The following PCDHA3 variants were observed in gnomAD, a reference collection of about 807,000 sequenced individuals.
The protein encoded by PCDHA3 is protocadherin alpha-3.
PCDHA3 carries 41 observed loss-of-function variants against 62.2 expected under a neutral mutation model. The ratio of observed to expected loss-of-function variants is 0.66; its 90% CI spans 0.51 to 0.86. The LOEUF (loss-of-function observed/expected upper bound fraction) is 0.86, where lower values mean the gene tolerates loss of function less well. Among genes scored for constraint, PCDHA3 ranks in the 40% least tolerant of loss-of-function variants. PCDHA3 has a pLI of 0.00. For synonymous variants in PCDHA3, 640 were observed against 555.4 expected (o/e 1.15, Z -2.14); for missense variants, 1,304 against 1,241.2 (o/e 1.05, Z -0.76).
chr5:140,960,913 T>C (rs184385777), intron 1 of PCDHA3, among the ~76,000 whole-genome samples: 10 of 152,320 alleles, frequency 6.6e-5, no homozygotes, highest in Admixed American at 2.6e-4. Flanking sequence ...GAGTTTCAGA[T>C]AGAAAATTGG....
intron 1 of PCDHA3, among the ~76,000 whole-genome samples, chr5:140,953,061 G>A (rs919542084): frequency 2.0e-5 from 3 of 152,064 alleles, no homozygotes; most frequent in African/African-American, 7.2e-5. Flanking sequence ...CCTCTCACAG[G>A]CCCCATCTCC....
chr5:140,875,271 C>T, intron 1 of PCDHA3: 1 of 1,256,488 alleles, frequency 8.0e-7, no homozygotes, highest in Non-Finnish European at 1.1e-6. Flanking sequence ...GCTCTACACT[C>T]AGAAGGTGAA....
At position 140,802,940 on chromosome 5, in the gene PCDHA3, G is replaced by T. The variant is rs782378272; in HGVS notation, c.1743G>T (p.Val581=). Reference sequence around the variant, plus strand: ...TCGGTGGCGCAGTGAGCGAGCTGGTGCCGCGGTCAGTGGGTGCGGGCCACG... The same window carrying T: ...TCGGTGGCGCAGTGAGCGAGCTGGTTCCGCGGTCAGTGGGTGCGGGCCACG... ...GGIGGAVSEL[V]PRSVGAGHVV... The change falls in exon 1 of 4, where the codon GTG becomes GTT. Residue 581 remains valine, a synonymous_variant. Coordinates refer to ENST00000522353, the MANE Select transcript of PCDHA3 (RefSeq NM_018906.3). 3.1e-6 allele frequency: 5 copies of T among 1,613,754 alleles called. No individual in the cohort carries two copies. The African/African-American group carries it at 6.7e-5, about 22-fold the overall frequency.
rs574473083 is a variant in PCDHA3, at chr5:140,908,105, C to T, written c.2395-70844C>T. ...CAGGTGCACTGATTGAAGTTCTGTC[C>T]ACTGGGAAGATTTCCCTTCACTGCT... is the stretch of plus-strand genomic sequence containing the variant. On this transcript the variant is annotated intron_variant, in intron 1 of 3. Coordinates refer to ENST00000522353, the MANE Select transcript of PCDHA3 (RefSeq NM_018906.3). Among the ~76,000 whole-genome samples the T allele has an allele frequency of 5.3e-5, 8 of 152,304 alleles. No individual in the cohort carries two copies. In the East Asian group the frequency reaches 1.4e-3, roughly 26 times the overall value.
rs369919324 is a variant in PCDHA3 at position 140,857,387 on chromosome 5, G to T, written c.2394+53796G>T. 3.0e-5 allele frequency: 48 copies of T among 1,598,472 alleles called. 4 individuals carry two copies. The highest frequency in any genetic ancestry group is 3.3e-5 in the Non-Finnish European group (38 of 1,167,956). ...CAGCGTGTCTGTGGAGGTGGCCGAC[G>T]TGAACGACAACGCGCCTGCGTTCGC... is the stretch of plus-strand genomic sequence containing the variant. On this transcript the variant is annotated intron_variant, in intron 1 of 3. Transcript: ENST00000522353.
At chr5:140,808,339 G>A (rs781810593) in intron 1 of PCDHA3, 15 of 1,614,246 alleles carry the variant, frequency 9.3e-6, no homozygotes, top group Non-Finnish European at 1.2e-5. Flanking sequence ...TCAATGGGCT[G>A]GTCACCTGCT....
Position 140,802,753 on chromosome 5 carries a change from C to T in PCDHA3, c.1556C>T (p.Ala519Val), listed in dbSNP as rs782212948. 6.2e-7 allele frequency: 1 copy of T among 1,612,542 alleles called. No individual in the cohort carries two copies. Residue 519 changes from alanine (A) to valine (V), a missense_variant, in exon 1 of 4, where the codon GCG (alanine) becomes GTG (valine). Physicochemically the swap from Ala to Val is moderately conservative, Grantham distance 64. Transcript: ENST00000522353. The part of the protein sequence containing the change: ...SVHAESGKVY[A>V]LQPLDHEELE... Reference sequence around the variant, plus strand: ...CACGCGGAGAGCGGCAAGGTGTACGCGCTGCAGCCGCTGGACCACGAGGAG... The same window carrying T: ...CACGCGGAGAGCGGCAAGGTGTACGTGCTGCAGCCGCTGGACCACGAGGAG...
At chr5:140,876,819 C>T in intron 1 of PCDHA3, 1 of 1,614,180 alleles carries the variant, frequency 6.2e-7, no homozygotes, top group Admixed American at 1.7e-5. Flanking sequence ...CCGACGTGAA[C>T]GACAATGCGC....
rs1299546647 is a variant in PCDHA3 at position 140,935,314 on chromosome 5, A to T, written c.2395-43635A>T. 2.0e-5 allele frequency among the ~76,000 whole-genome samples: 3 copies of T among 152,208 alleles called. No homozygotes were observed. In the East Asian group the frequency reaches 5.8e-4, roughly 29 times the overall value. ...TCCGAGGTTTTTACTTAACTTCATC[A>T]ATCTTACATTCCTATTTCTCCCATA... On this transcript the variant is annotated intron_variant, in intron 1 of 3. Transcript: ENST00000522353.
At chr5:140,850,157 C>T (rs2150470014) in intron 1 of PCDHA3, 2 of 1,594,994 alleles carry the variant, frequency 1.3e-6, no homozygotes, top group African/African-American at 1.3e-5. Flanking sequence ...TGCAGGTGTT[C>T]GTGCTGGACG....
In PCDHA3 at chr5:140,835,672, G is replaced by A. The variant is rs2150241563; in HGVS notation, c.2394+32081G>A. On this transcript the variant is annotated intron_variant, in intron 1 of 3. Coordinates refer to ENST00000522353, the MANE Select transcript of PCDHA3 (RefSeq NM_018906.3). The stretch of plus-strand genomic sequence containing the variant: ...GAGCTGGTGGTTACCGCGCGGGACG[G>A]GGGCTCGCCTTCTCTGTGGGCCACT... 1.9e-6 allele frequency: 3 copies of A among 1,613,926 alleles called. No individual in the cohort carries two copies. The South Asian group carries it at 3.3e-5, about 18-fold the overall frequency.
At chr5:140,843,133 C>G in intron 1 of PCDHA3, 1 of 1,595,974 alleles carries the variant, frequency 6.3e-7, no homozygotes, top group Non-Finnish European at 8.6e-7. Flanking sequence ...CGGGCTACAA[C>G]GCGTGGCTTT....
intron 3 of PCDHA3, among the ~76,000 whole-genome samples, chr5:140,991,361 G>C (rs1183124741): frequency 6.6e-6 from 1 of 152,200 alleles, no homozygotes; most frequent in Non-Finnish European, 1.5e-5. Context: ...ACTATTTACT[G>C]TCTGAGTTCT....
chr5:140,993,508 ACG>A (rs2097567607), intron 3 of PCDHA3, among the ~76,000 whole-genome samples: 1 of 147,006 alleles, frequency 6.8e-6, no homozygotes, highest in Non-Finnish European at 1.5e-5. Context: ...ACACACACAC[ACG>A]GGGAGAGAGA....
intron 1 of PCDHA3, chr5:140,853,694 G>A (rs1425849966): frequency 1.0e-6 from 1 of 988,064 alleles, no homozygotes; most frequent in African/African-American, 1.8e-5. Context: ...CCTTAGACCT[G>A]CTAACGCATT....
At position 140,807,206 on chromosome 5, in the gene PCDHA3, A is replaced by G. The variant is rs782751422; in HGVS notation, c.2394+3615A>G. On this transcript the variant is annotated intron_variant, in intron 1 of 3. Transcript: ENST00000522353. ...ACTAAAGATGGAGTTTTCCTGGGGAAGCGGCCAGGAATCCCGGCGTCTGCT... is the reference window on the plus strand; with the variant it reads ...ACTAAAGATGGAGTTTTCCTGGGGAGGCGGCCAGGAATCCCGGCGTCTGCT... 4.0e-5 allele frequency: 64 copies of G among 1,613,810 alleles called. 1 individual carries two copies. The South Asian group carries it at 6.6e-4, about 17-fold the overall frequency.
intron 1 of PCDHA3, among the ~76,000 whole-genome samples, chr5:140,871,917 C>T (rs1156778814): frequency 2.0e-5 from 3 of 152,178 alleles, no homozygotes; most frequent in Admixed American, 2.0e-4. Context: ...CTTGATATTT[C>T]CACATTGTTA....
intron 1 of PCDHA3, chr5:140,808,954 C>T: frequency 6.2e-7 from 1 of 1,613,580 alleles, no homozygotes; most frequent in Non-Finnish European, 8.5e-7. Context: ...GTGTGGGCCA[C>T]GTGGTGGCAA....
intron 1 of PCDHA3, among the ~76,000 whole-genome samples, chr5:140,923,974 C>A (rs2081604148): frequency 6.6e-6 from 1 of 152,212 alleles, no homozygotes; most frequent in African/African-American, 2.4e-5. Flanking sequence ...CCCACACATA[C>A]TATCCCTCTA....
Sources: allele counts gnomAD v4.1 joint callset (sites outside exome capture counted in the v4.1 genomes callset), GRCh38; gene constraint gnomAD v4.1.1; transcripts MANE v1.5; gene names NCBI Gene and HGNC (gene_info 2026-07-23, HGNC 2026-07-21).